The following SCAMP5 variants were observed in gnomAD, a reference collection of about 807,000 sequenced individuals.
SCAMP5 encodes the protein secretory carrier membrane protein 5.
A neutral mutation model predicts 28.3 loss-of-function variants in SCAMP5; 7 were observed. That is an observed-to-expected ratio of 0.25 (90% CI 0.14 to 0.46). The LOEUF (loss-of-function observed/expected upper bound fraction) is 0.46. Among genes scored for constraint, SCAMP5 ranks in the 20% least tolerant of loss-of-function variants. The pLI is 0.99. For missense variants in SCAMP5, 192 were observed against 312.5 expected (o/e 0.61, Z 2.91); for synonymous variants, 117 against 116.4 (o/e 1.00, Z -0.03).
chr15:75,010,252 C>T (rs1374194953), intron 1 of SCAMP5, among the ~76,000 whole-genome samples: 1 of 152,158 alleles, frequency 6.6e-6, no homozygotes, highest in Non-Finnish European at 1.5e-5. Flanking sequence ...TGTCCCCCAG[C>T]GTCTCTACCC....
Position 74,996,536 on chromosome 15 carries a change from C to G in SCAMP5, c.-49+863C>G, listed in dbSNP as rs1050863775. ...GAGGCGACAGCTAGCGAATAGGAGA[C>G]TTCCAGAGGTGATGGGATTTGGGTG... On this transcript the variant is annotated intron_variant, in intron 1 of 6. Coordinates refer to ENST00000425597, the MANE Select transcript of SCAMP5 (RefSeq NM_138967.4). This position sits in a 1 kb window ranked among gnomAD's most constrained non-coding sequence, Gnocchi z 4.1. Among the ~76,000 whole-genome samples the G allele has an allele frequency of 4.1e-4, 63 of 152,266 alleles. No individual in the cohort carries two copies. The highest frequency in any genetic ancestry group is 1.4e-3 in the African/African-American group (58 of 41,574).
intron 1 of SCAMP5, among the ~76,000 whole-genome samples, chr15:75,005,081 A>G (rs568948191): frequency 2.0e-5 from 3 of 152,138 alleles, no homozygotes; most frequent in African/African-American, 7.2e-5. Flanking sequence ...AGGCTGAGGC[A>G]GGAGAATCGC....
In SCAMP5 at chr15:75,018,358, C is replaced by CG; in HGVS notation, c.396-54dup. The CG allele has an allele frequency of 9.9e-7, 1 of 1,008,892 alleles. No individual in the cohort carries two copies. The highest frequency in any genetic ancestry group is 1.6e-6 in the Non-Finnish European group (1 of 628,002). The allele number at this position is 1,008,892 out of a possible 1,614,324, so 62.5% of individuals were successfully genotyped here. The stretch of plus-strand genomic sequence containing the variant: ...GCAATGAGACGGTCCCTTCCTCTAG[C>CG]GGGGGGCTCCTGGGCACCTCTTATC... On this transcript the variant is annotated intron_variant, in intron 5 of 6. Coordinates refer to ENST00000425597, the MANE Select transcript of SCAMP5 (RefSeq NM_138967.4). This position sits in a 1 kb window ranked among gnomAD's most constrained non-coding sequence, Gnocchi z 5.6.
intron 1 of SCAMP5, among the ~76,000 whole-genome samples, chr15:75,008,629 A>G (rs940103873): frequency 1.2e-4 from 18 of 151,778 alleles, no homozygotes; most frequent in African/African-American, 4.4e-4. Context: ...CCTCCTGAGT[A>G]GTTGGGATTA....
At position 75,012,699 on chromosome 15, in the gene SCAMP5, A is replaced by G. The variant is rs7174129; in HGVS notation, c.30A>G (p.Pro10=). The G allele has an allele frequency of 0.12, 198,800 of 1,613,564 alleles. 23,575 individuals carry two copies. Among genetic ancestry groups the G allele is most frequent in the South Asian group, 0.41 (37,765 of 91,050 alleles). MAEKVNNFP[P]LPKFIPLKPC... is the part of the protein sequence containing the mutation. ...CAGAGAAAGTGAACAACTTCCCACC[A>G]TTGCCCAAATTCATCCCGCTGAAGC... The change falls in exon 3 of 7, where the codon CCA becomes CCG. Residue 10 remains proline (P), a synonymous_variant. Transcript: ENST00000425597.
Position 75,004,131 on chromosome 15 carries a change from C to T in SCAMP5, c.-48-7661C>T, listed in dbSNP as rs575154255. ...GTTGGTCAGGCTGGTCTTGAACTCC[C>T]GACCTCAGGTGATCCGCCCGCCTCG... On this transcript the variant is annotated intron_variant, in intron 1 of 6. Transcript: ENST00000425597. Among the ~76,000 whole-genome samples the T allele has an allele frequency of 7.6e-4, 116 of 151,956 alleles. No homozygotes were observed. In the Middle Eastern group the frequency reaches 0.014, roughly 18 times the overall value.
At chr15:75,015,742 T>C (rs1031903316) in intron 3 of SCAMP5, among the ~76,000 whole-genome samples, 8 of 152,064 alleles carry the variant, frequency 5.3e-5, no homozygotes, top group Admixed American at 2.6e-4. Context: ...CCTGGCCAAC[T>C]TGGCGAAAAA....
At chr15:75,013,147 C>T (rs1595887448) in intron 3 of SCAMP5, 1 of 236,268 alleles carries the variant, frequency 4.2e-6, no homozygotes, top group East Asian at 1.0e-4. Context: ...AGTAACTTTC[C>T]AGGGAACCTC....
intron 1 of SCAMP5, among the ~76,000 whole-genome samples, chr15:75,000,767 C>T (rs571250408): frequency 1.3e-4 from 20 of 149,148 alleles, no homozygotes; most frequent in African/African-American, 4.4e-4. Flanking sequence ...CCAAATACTG[C>T]CCATGGTCTT....
At chr15:75,002,370 C>T (rs1056151638) in intron 1 of SCAMP5, among the ~76,000 whole-genome samples, 1 of 151,942 alleles carries the variant, frequency 6.6e-6, no homozygotes, top group Non-Finnish European at 1.5e-5. Context: ...ATGTATCCTA[C>T]ACATCTCTGG....
At chr15:75,006,458 G>A (rs1201535031) in intron 1 of SCAMP5, among the ~76,000 whole-genome samples, 1 of 149,380 alleles carries the variant, frequency 6.7e-6, no homozygotes, top group East Asian at 2.0e-4. Context: ...TTCAAGACTA[G>A]CCTGGCCAAC....
At chr15:75,008,141 T>C (rs1255588776) in intron 1 of SCAMP5, among the ~76,000 whole-genome samples, 1 of 152,138 alleles carries the variant, frequency 6.6e-6, no homozygotes, top group Admixed American at 6.6e-5. Context: ...ATAGTTAGCT[T>C]GATTTGTTTT....
intron 3 of SCAMP5, among the ~76,000 whole-genome samples, chr15:75,013,276 G>C (rs1226908828): frequency 6.6e-6 from 1 of 152,186 alleles, no homozygotes; most frequent in Non-Finnish European, 1.5e-5. Context: ...CTGGGAGTTG[G>C]GAGCTGTGGG....
intron 1 of SCAMP5, among the ~76,000 whole-genome samples, chr15:75,002,953 G>A (rs2065723328): frequency 6.6e-6 from 1 of 152,024 alleles, no homozygotes; most frequent in Non-Finnish European, 1.5e-5. Context: ...TTTGGAGATT[G>A]AGTCTGGCTC....
chr15:75,010,503 T>C (rs1184787630), intron 1 of SCAMP5, among the ~76,000 whole-genome samples: 1 of 152,158 alleles, frequency 6.6e-6, no homozygotes, highest in Non-Finnish European at 1.5e-5. Context: ...TCATTTGCAC[T>C]CTGCTTTGGC....
In SCAMP5 at chr15:75,017,977, AGGCAGGGGTGTGGCCTGGGGCT is replaced by A; in HGVS notation, c.395+17_395+38del. On this transcript the variant is annotated splice_region_variant and intron_variant, in intron 5 of 6. Coordinates refer to ENST00000425597, the MANE Select transcript of SCAMP5 (RefSeq NM_138967.4). The stretch of plus-strand genomic sequence containing the variant: ...ATCCCAGGCTGGGGCGTCTGGTAAG[AGGCAGGGGTGTGGCCTGGGGCT>A]GGCAGGGGTGGCGTTGTGGGTGTAT... 1 of 1,595,460 alleles carries A rather than the reference AGGCAGGGGTGTGGCCTGGGGCT, an allele frequency of 6.3e-7. No homozygotes were observed. Among genetic ancestry groups the A allele is most frequent in the South Asian group, 1.1e-5 (1 of 90,694 alleles).
chr15:75,001,602 G>A (rs1176519709), intron 1 of SCAMP5, among the ~76,000 whole-genome samples: 2 of 152,014 alleles, frequency 1.3e-5, no homozygotes, highest in African/African-American at 4.8e-5. Flanking sequence ...CAGGCACCCT[G>A]GCTCATGGCT....
intron 1 of SCAMP5, among the ~76,000 whole-genome samples, chr15:74,999,497 G>A (rs1254256450): frequency 2.0e-5 from 3 of 152,086 alleles, no homozygotes; most frequent in Admixed American, 1.3e-4. Context: ...TGTGGGGGAG[G>A]TGGAACCACC....
chr15:75,003,382 G>C (rs1033628769), intron 1 of SCAMP5, among the ~76,000 whole-genome samples: 1 of 152,096 alleles, frequency 6.6e-6, no homozygotes, highest in East Asian at 1.9e-4. Context: ...GTTCCCCAGA[G>C]AGCCACAATT....
Sources: allele counts gnomAD v4.1 joint callset (sites outside exome capture counted in the v4.1 genomes callset), GRCh38; gene constraint gnomAD v4.1.1; non-coding constraint Gnocchi (gnomAD v3.1); transcripts MANE v1.5; gene names NCBI Gene and HGNC (gene_info 2026-07-23, HGNC 2026-07-21).